Variants in PMM2 observed in about 807,000 individuals in gnomAD.
PMM2 encodes the protein mannose-6-phosphate isomerase.
A neutral mutation model predicts 33.2 loss-of-function variants in PMM2; 35 were observed. That is an observed-to-expected ratio of 1.06 (90% confidence interval 0.81 to 1.40). The LOEUF (loss-of-function observed/expected upper bound fraction) is 1.40. PMM2 is among the 40% of genes most tolerant of loss of function. The probability of loss-of-function intolerance (pLI) is 0.00; values close to 1 mark genes in which losing one functional copy is unlikely to be tolerated. For synonymous variants in PMM2, 153 were observed against 114.7 expected, an observed-to-expected ratio of 1.33 and a Z score of -2.13; for missense variants, 386 against 306.0, an observed-to-expected ratio of 1.26 and a Z score of -1.95.
rs1379328334 is a variant in PMM2, at chr16:8,849,270, G to C, written c.*1445G>C. On this transcript the variant is annotated 3_prime_UTR_variant, in exon 8 of 8. Coordinates refer to ENST00000268261, the MANE Select transcript of PMM2 (RefSeq NM_000303.3). ...CCAGCGGCATCTTTCCTTGTCGAAT[G>C]ATACTGTAATGACCTTCCAAAGTGA... 1 of 152,264 alleles carries C rather than the reference G, an allele frequency of 6.6e-6. No individual in the cohort carries two copies. Among genetic ancestry groups the C allele is most frequent in the African/African-American group, 2.4e-5 (1 of 41,456 alleles). The allele number at this position is 152,264 out of a possible 1,614,324, so 9.4% of individuals were successfully genotyped here. A position where few individuals can be genotyped will look rare whatever the true frequency, so the allele number is the denominator to read the frequency against.
intron 7 of PMM2, among the ~76,000 whole-genome samples, chr16:8,820,912 C>G (rs1309944874): frequency 6.6e-6 from 1 of 152,216 alleles, no homozygotes; most frequent in Non-Finnish European, 1.5e-5. Context: ...TACACACCTT[C>G]CAACAGTTCA....
Position 8,813,051 on chromosome 16 carries a change from A to G in PMM2, c.584A>G (p.His195Arg), listed in dbSNP as rs1596489887. Residue 195 changes from histidine (H) to arginine (R), a missense_variant, in exon 7 of 8, where the codon CAT becomes CGT. By Grantham distance (29) the His-to-Arg change is conservative. Transcript: ENST00000268261. ...TGGGACAAGAGATACTGTCTGCGAC[A>G]TGTGGAAAATGACGGTTATAAGACC... The part of the protein sequence containing the change: ...DGWDKRYCLR[H>R]VENDGYKTIY... The G allele has an allele frequency of 3.7e-6, 6 of 1,613,752 alleles. No homozygotes were observed. The highest frequency in any genetic ancestry group is 5.1e-6 in the Non-Finnish European group (6 of 1,179,568).
intron 7 of PMM2, among the ~76,000 whole-genome samples, chr16:8,839,607 C>G (rs2060875973): frequency 6.6e-6 from 1 of 151,972 alleles, no homozygotes; most frequent in South Asian, 2.1e-4. Flanking sequence ...GAGTGAAATA[C>G]AGGGCAAGTG....
chr16:8,839,719 T>C (rs1242321144), intron 7 of PMM2, among the ~76,000 whole-genome samples: 1 of 151,766 alleles, frequency 6.6e-6, no homozygotes, highest in African/African-American at 2.4e-5. Flanking sequence ...GTTTGAGTGA[T>C]GTGTGTAGTT....
intron 7 of PMM2, among the ~76,000 whole-genome samples, chr16:8,837,607 A>G (rs1220778021): frequency 6.6e-6 from 1 of 151,356 alleles, no homozygotes; most frequent in Non-Finnish European, 1.5e-5. Context: ...GATATAAGAG[A>G]TTGGGGCGCA....
chr16:8,812,083 T>A (rs1156663604), intron 6 of PMM2, among the ~76,000 whole-genome samples: 1 of 152,190 alleles, frequency 6.6e-6, no homozygotes, highest in Non-Finnish European at 1.5e-5. Flanking sequence ...GACATGGAAT[T>A]GAACCCCTTA....
At position 8,811,678 on chromosome 16, in the gene PMM2, A is replaced by T; in HGVS notation, c.488A>T (p.Lys163Ile). 6.2e-7 allele frequency: 1 copy of T among 1,613,510 alleles called. No homozygotes were observed. Among genetic ancestry groups the T allele is most frequent in the Non-Finnish European group, 8.5e-7 (1 of 1,179,410 alleles). The change falls in exon 6 of 8, where the codon AAA (lysine) becomes ATA (isoleucine). Residue 163 changes from lysine (K) to isoleucine (I), a missense_variant. Lys to Ile is a moderately radical substitution (Grantham distance 102, BLOSUM62 -3). Coordinates refer to ENST00000268261, the MANE Select transcript of PMM2 (RefSeq NM_000303.3). Reference protein sequence around the residue: ...IRQKFVADLRKEFAGKGLTFS... With the variant: ...IRQKFVADLRIEFAGKGLTFS... ...CAAAAGTTTGTAGCAGATCTACGGAAAGAGTTTGCTGGAAAAGGCCTCACG... is the reference window on the plus strand; with the variant it reads ...CAAAAGTTTGTAGCAGATCTACGGATAGAGTTTGCTGGAAAAGGCCTCACG...
intron 1 of PMM2, 65 bp from the exon 2 acceptor site, chr16:8,801,734 T>C (rs565108009): frequency 2.0e-4 from 200 of 1,007,120 alleles, no homozygotes; most frequent in Non-Finnish European, 2.7e-4. Context: ...GTGTTACCCT[T>C]AGAGTTTTGG....
Position 8,828,025 on chromosome 16 carries a change from CTTTTTTTTT to C in PMM2, c.639+14932_639+14940del, listed in dbSNP as rs71153002. Among the ~76,000 whole-genome samples, 7 of 66,608 alleles carry C rather than the reference CTTTTTTTTT, an allele frequency of 1.1e-4. No homozygotes were observed. The South Asian group carries it at 2.2e-3, about 21-fold the overall frequency. The allele number at this position is 66,608 out of a possible 152,430, so 43.7% of individuals were successfully genotyped here. The stretch of plus-strand genomic sequence containing the variant: ...TTAAGCAGATTTTAACTGTAGAACT[CTTTTTTTTT>C]TTTTTTTTTTTTACAAAATCTTTTT... On this transcript the variant is annotated intron_variant, in intron 7 of 7. Coordinates refer to ENST00000268261, the MANE Select transcript of PMM2 (RefSeq NM_000303.3).
chr16:8,810,189 C>T (rs1020191394), intron 4 of PMM2: 20 of 152,192 alleles, frequency 1.3e-4, no homozygotes, highest in African/African-American at 4.3e-4. Flanking sequence ...TCAAATCAAA[C>T]ATTTAGGAGC....
chr16:8,832,002 A>G lies in PMM2; in HGVS notation c.640-15722A>G, dbSNP rs777970358. 3.9e-4 allele frequency: 123 copies of G among 319,246 alleles called. 1 individual carries two copies. The highest frequency in any genetic ancestry group is 5.8e-4 in the Admixed American group (9 of 15,470). The allele number at this position is 319,246 out of a possible 1,614,324, so 19.8% of individuals were successfully genotyped here. A position where few individuals can be genotyped will look rare whatever the true frequency, so the allele number is the denominator to read the frequency against. On this transcript the variant is annotated intron_variant, in intron 7 of 7. Coordinates refer to ENST00000268261, the MANE Select transcript of PMM2 (RefSeq NM_000303.3). ...CTGAGTTCCCCAACTAGAATCAAGT[A>G]ACCTTTAGTGCATATGCAAATCCAG...
intron 7 of PMM2, among the ~76,000 whole-genome samples, chr16:8,821,367 TC>T (rs2060738469): frequency 6.6e-6 from 1 of 152,150 alleles, no homozygotes; most frequent in African/African-American, 2.4e-5. Flanking sequence ...CCCACCTTCC[TC>T]CTGAGTGCCA....
chr16:8,824,861 GA>G (rs1044816439), intron 7 of PMM2, among the ~76,000 whole-genome samples: 3 of 152,148 alleles, frequency 2.0e-5, no homozygotes, highest in African/African-American at 7.2e-5. Context: ...ACCCAGTGAA[GA>G]TAGCATGAGG....
In PMM2 at chr16:8,848,869, T is replaced by G. The variant is rs918703500; in HGVS notation, c.*1044T>G. The G allele has an allele frequency of 3.9e-5, 6 of 152,240 alleles. No homozygotes were observed. Among genetic ancestry groups the G allele is most frequent in the African/African-American group, 1.4e-4 (6 of 41,458 alleles). 9.4% of individuals were successfully genotyped at this position (152,240 alleles called of 1,614,324 possible). A position where few individuals can be genotyped will look rare whatever the true frequency, so the allele number is the denominator to read the frequency against. ...ACAGCTAGGTCCGCGTCCCTCACTCTTTTCATCTTCTGCACGTTCTTCGTG... is the reference window on the plus strand; with the variant it reads ...ACAGCTAGGTCCGCGTCCCTCACTCGTTTCATCTTCTGCACGTTCTTCGTG... On this transcript the variant is annotated 3_prime_UTR_variant, in exon 8 of 8. Transcript: ENST00000268261.
intron 7 of PMM2, among the ~76,000 whole-genome samples, chr16:8,833,437 C>T (rs1394695624): frequency 2.0e-5 from 3 of 152,106 alleles, no homozygotes; most frequent in African/African-American, 7.2e-5. Flanking sequence ...ACAGGGGATG[C>T]GATGGCTTGG....
At chr16:8,824,599 TCC>T (rs2060756153) in intron 7 of PMM2, among the ~76,000 whole-genome samples, 1 of 152,172 alleles carries the variant, frequency 6.6e-6, no homozygotes, top group Non-Finnish European at 1.5e-5. Context: ...TGACAGTGCT[TCC>T]TACATAATTT....
At chr16:8,806,269 A>G in intron 3 of PMM2, 47 bp from the exon 4 acceptor site, 1 of 1,287,838 alleles carries the variant, frequency 7.8e-7, no homozygotes, top group Non-Finnish European at 1.1e-6. Context: ...AGCTGTTTTG[A>G]AAATGCTCCT....
rs117310412 is a variant in PMM2, at chr16:8,845,664, C to T, written c.640-2060C>T. ...TCTGTTCTTGGCTCACTGCAATCTC[C>T]GCCTCCCAGGTTCAAGTGATTCTCC... On this transcript the variant is annotated intron_variant, in intron 7 of 7. Coordinates refer to ENST00000268261, the MANE Select transcript of PMM2 (RefSeq NM_000303.3). Among the ~76,000 whole-genome samples, 292 of 152,004 alleles carry T rather than the reference C, an allele frequency of 1.9e-3. 4 individuals are homozygous for T. The East Asian group carries it at 0.025, about 13-fold the overall frequency.
At chr16:8,816,764 C>T (rs2060710804) in intron 7 of PMM2, among the ~76,000 whole-genome samples, 1 of 151,864 alleles carries the variant, frequency 6.6e-6, no homozygotes, top group Non-Finnish European at 1.5e-5. Flanking sequence ...TAAATGTTGG[C>T]GAGGGTGTGG....
Sources: gnomAD v4.1 joint callset for allele counts (sites outside exome capture counted in the v4.1 genomes callset) on GRCh38, gnomAD v4.1.1 for gene constraint, MANE v1.5 for transcripts, NCBI Gene and HGNC (gene_info 2026-07-23, HGNC 2026-07-21) for gene names.